Variants in TECPR2 observed in about 807,000 individuals in gnomAD.
TECPR2 encodes tectonin beta-propeller repeat containing 2, also known as tectonin beta-propeller repeat-containing protein 2.
A neutral mutation model predicts 138.1 loss-of-function variants in TECPR2; 65 were observed. The observed-to-expected ratio is 0.47, with a 90% CI of 0.39 to 0.58. The LOEUF is 0.58. Among genes scored for constraint, TECPR2 ranks in the 20% least tolerant of loss-of-function variants. The pLI is 0.00. For synonymous variants in TECPR2, 746 were observed against 749.8 expected (o/e 0.99, Z 0.08); for missense variants, 1,553 against 1,824.5 (o/e 0.85, Z 2.71).
intron 17 of TECPR2, among the ~76,000 whole-genome samples, chr14:102,487,423 TGTGTGA>T (rs1487434850): frequency 6.6e-6 from 1 of 152,226 alleles, no homozygotes; most frequent in Non-Finnish European, 1.5e-5. Context: ...CTGAGGAACA[TGTGTGA>T]GTGTGTGTGT....
intron 17 of TECPR2, among the ~76,000 whole-genome samples, chr14:102,491,844 C>G (rs906754561): frequency 6.6e-6 from 1 of 152,238 alleles, no homozygotes; most frequent in African/African-American, 2.4e-5. Context: ...GATGGCAGTT[C>G]TGGGTGGGCA....
chr14:102,379,953 G>A (rs1887755770), intron 2 of TECPR2, among the ~76,000 whole-genome samples: 1 of 149,248 alleles, frequency 6.7e-6, no homozygotes, highest in Non-Finnish European at 1.5e-5. Flanking sequence ...CACTGCTGAA[G>A]ATCACCATCT....
chr14:102,486,598 C>T (rs1891031594), intron 17 of TECPR2, among the ~76,000 whole-genome samples: 1 of 152,196 alleles, frequency 6.6e-6, no homozygotes, highest in African/African-American at 2.4e-5. Flanking sequence ...GGCCAGGGCC[C>T]CACAGGCGCT....
chr14:102,437,889 G>A (rs1430388272), intron 9 of TECPR2, 133 bp from the exon 10 acceptor site: 1 of 1,037,732 alleles, frequency 9.6e-7, no homozygotes, highest in African/African-American at 1.6e-5. Context: ...TGGGAGAAGG[G>A]TTGACTTGGC....
At chr14:102,490,343 G>A (rs1247125418) in intron 17 of TECPR2, among the ~76,000 whole-genome samples, 1 of 152,180 alleles carries the variant, frequency 6.6e-6, no homozygotes, top group African/African-American at 2.4e-5. Context: ...CAGCCCTGCT[G>A]GTCTCGAAGC....
intron 2 of TECPR2, among the ~76,000 whole-genome samples, chr14:102,385,831 G>A (rs1206722477): frequency 1.3e-5 from 2 of 151,824 alleles, no homozygotes; most frequent in East Asian, 3.9e-4. Flanking sequence ...AGCTACTCAG[G>A]AGGCTCAGGT....
Position 102,452,504 on chromosome 14 carries a change from G to T in TECPR2, c.3517G>T (p.Ala1173Ser), listed in dbSNP as rs762000782. 1.9e-6 allele frequency: 3 copies of T among 1,612,732 alleles called. No individual in the cohort carries two copies. Among genetic ancestry groups the T allele is most frequent in the African/African-American group, 1.3e-5 (1 of 74,942 alleles). Reference sequence around the variant, plus strand: ...GCTGCCTCCCGAAGCCGAGATGCGCGCCTATGCCGCCTGCCAGGATGCGCT... The same window carrying T: ...GCTGCCTCCCGAAGCCGAGATGCGCTCCTATGCCGCCTGCCAGGATGCGCT... Reference protein sequence around the residue: ...VQLPPEAEMRAYAACQDALWA... With the variant: ...VQLPPEAEMRSYAACQDALWA... Residue 1173 changes from alanine (A) to serine (S), a missense_variant, in exon 16 of 20, where the codon GCC becomes TCC. Physicochemically the swap from Ala to Ser is moderately conservative, Grantham distance 99. Coordinates refer to ENST00000359520, the MANE Select transcript of TECPR2 (RefSeq NM_014844.5).
intron 17 of TECPR2, among the ~76,000 whole-genome samples, chr14:102,494,371 C>T (rs949177289): frequency 3.3e-5 from 5 of 151,982 alleles, no homozygotes; most frequent in Admixed American, 6.6e-5. Context: ...GGTGAAACCC[C>T]GTCTCTACTA....
intron 17 of TECPR2, among the ~76,000 whole-genome samples, chr14:102,492,599 C>T (rs947076519): frequency 5.3e-5 from 8 of 152,246 alleles, no homozygotes; most frequent in African/African-American, 1.7e-4. Context: ...CCATCCTCCA[C>T]GCACCTCCTC....
At chr14:102,409,728 G>T (rs944130192) in intron 4 of TECPR2, among the ~76,000 whole-genome samples, 48 of 152,130 alleles carry the variant, frequency 3.2e-4, no homozygotes, top group African/African-American at 1.2e-3. Flanking sequence ...TTAGAAAGAG[G>T]ACCCCAAAGC....
chr14:102,380,293 C>G (rs563472677), intron 2 of TECPR2, among the ~76,000 whole-genome samples: 1 of 152,240 alleles, frequency 6.6e-6, no homozygotes, highest in Non-Finnish European at 1.5e-5. Flanking sequence ...AGAACAATGA[C>G]GTATTACCTG....
chr14:102,422,667 G>A (rs1029651568), intron 5 of TECPR2, among the ~76,000 whole-genome samples: 13 of 152,186 alleles, frequency 8.5e-5, no homozygotes, highest in South Asian at 2.1e-4. Flanking sequence ...CAACAAAAAA[G>A]TGAGGAAATG....
At position 102,376,936 on chromosome 14, in the gene TECPR2, T is replaced by C. The variant is rs745652952; in HGVS notation, c.215T>C (p.Phe72Ser). The C allele has an allele frequency of 1.2e-6, 2 of 1,612,992 alleles. No individual in the cohort carries two copies. Among genetic ancestry groups the C allele is most frequent in the South Asian group, 1.1e-5 (1 of 90,896 alleles). The change falls in exon 2 of 20, where the codon TTT (phenylalanine) becomes TCT (serine). Residue 72 changes from phenylalanine (F) to serine (S), a missense_variant. Transcript: ENST00000359520. Reference protein sequence around the residue: ...RHLNQMRKYNFEGKTESITVV... With the variant: ...RHLNQMRKYNSEGKTESITVV... ...CTCAACCAGATGAGGAAGTACAACT[T>C]TGAGGTGAGCCTTGCTTTGCTTTTC...
chr14:102,446,999 G>T (rs1889999565), intron 13 of TECPR2, among the ~76,000 whole-genome samples: 1 of 152,134 alleles, frequency 6.6e-6, no homozygotes, highest in African/African-American at 2.4e-5. Context: ...TATTCAGAAG[G>T]CCTCTAAGTA....
intron 8 of TECPR2, among the ~76,000 whole-genome samples, chr14:102,432,596 T>C (rs1197523962): frequency 2.0e-5 from 3 of 152,076 alleles, no homozygotes; most frequent in Non-Finnish European, 4.4e-5. Flanking sequence ...GGTTTCTCCA[T>C]GTTGGTCAGG....
At chr14:102,377,987 G>T (rs1438667444) in intron 2 of TECPR2, among the ~76,000 whole-genome samples, 2 of 152,210 alleles carry the variant, frequency 1.3e-5, no homozygotes, top group Non-Finnish European at 2.9e-5. Flanking sequence ...GTGGACTCAG[G>T]CATTTCTGTG....
chr14:102,427,344 A>G (rs1022974518), intron 6 of TECPR2, among the ~76,000 whole-genome samples: 2 of 152,134 alleles, frequency 1.3e-5, no homozygotes, highest in African/African-American at 2.4e-5. Context: ...AATTAACTTC[A>G]TTTTATAGGT....
chr14:102,447,826 C>A (rs1890027118), intron 13 of TECPR2, among the ~76,000 whole-genome samples: 1 of 152,100 alleles, frequency 6.6e-6, no homozygotes, highest in Non-Finnish European at 1.5e-5. Flanking sequence ...AACCACCGCG[C>A]CCGGCCAGTA....
chr14:102,485,498 A>AAG (rs1428783263), intron 17 of TECPR2, among the ~76,000 whole-genome samples: 1 of 152,124 alleles, frequency 6.6e-6, no homozygotes, highest in East Asian at 1.9e-4. Flanking sequence ...TTGAACTCTA[A>AAG]GTCTTTTCTC....
Sources: gnomAD v4.1 joint callset for allele counts (sites outside exome capture counted in the v4.1 genomes callset) on GRCh38, gnomAD v4.1.1 for gene constraint, MANE v1.5 for transcripts, NCBI Gene and HGNC (gene_info 2026-07-23, HGNC 2026-07-21) for gene names.